The following SH3D19 variants were observed in gnomAD, a reference collection of about 807,000 sequenced individuals.
SH3D19 encodes SH3 domain containing 19.
SH3D19 carries 58 observed loss-of-function variants against 112.1 expected under a neutral mutation model. The observed-to-expected ratio is 0.52, with a 90% CI of 0.42 to 0.64. The LOEUF is 0.64. Ranked by LOEUF, SH3D19 falls within the 30% of genes least tolerant of loss-of-function variation. The pLI, the probability that SH3D19 is intolerant of heterozygous loss-of-function variation, is 0.00. For synonymous variants in SH3D19, 391 were observed against 448.5 expected, an observed-to-expected ratio of 0.87 and a Z score of 1.62; for missense variants, 1,090 against 1,263.4, an observed-to-expected ratio of 0.86 and a Z score of 2.08.
At chr4:151,185,568 T>A (rs1761653439) in intron 3 of SH3D19, among the ~76,000 whole-genome samples, 1 of 152,222 alleles carries the variant, frequency 6.6e-6, no homozygotes, top group Non-Finnish European at 1.5e-5. Flanking sequence ...TGAAAGGCTA[T>A]CAAGAAGTTT....
intron 1 of SH3D19, among the ~76,000 whole-genome samples, chr4:151,258,615 C>T (rs1482789684): frequency 6.6e-6 from 1 of 152,222 alleles, no homozygotes; most frequent in African/African-American, 2.4e-5. Context: ...CACCCTCAGG[C>T]TGAATCCCAG....
intron 2 of SH3D19, among the ~76,000 whole-genome samples, chr4:151,214,060 A>G (rs13114884): frequency 0.86 from 123,020 of 142,666 alleles, 53,898 homozygotes; most frequent in Non-Finnish European, 0.95. Context: ...TTAGGGAGTG[A>G]TGATGACTCT....
intron 1 of SH3D19, among the ~76,000 whole-genome samples, chr4:151,280,571 T>C (rs1259623232): frequency 6.6e-6 from 1 of 152,220 alleles, no homozygotes; most frequent in Non-Finnish European, 1.5e-5. Context: ...ATGCAACAAT[T>C]GATAACTAAT....
At chr4:151,281,463 G>A (rs1774223078) in intron 1 of SH3D19, among the ~76,000 whole-genome samples, 1 of 152,132 alleles carries the variant, frequency 6.6e-6, no homozygotes, top group Non-Finnish European at 1.5e-5. Flanking sequence ...GGAAGTGGGA[G>A]GTGGGGGGTA....
chr4:151,254,668 CAGA>C (rs1161937985), intron 1 of SH3D19, among the ~76,000 whole-genome samples: 9 of 150,674 alleles, frequency 6.0e-5, no homozygotes, highest in Admixed American at 1.3e-4. Flanking sequence ...GATCCCAAGG[CAGA>C]AGAAGTTTTC....
intron 7 of SH3D19, among the ~76,000 whole-genome samples, chr4:151,172,912 T>C (rs1440548738): frequency 6.6e-6 from 1 of 152,170 alleles, no homozygotes; most frequent in East Asian, 1.9e-4. Context: ...TATAACCCCA[T>C]AGTCCAGAGC....
chr4:151,224,047 C>T (rs573872241), intron 2 of SH3D19, among the ~76,000 whole-genome samples: 24 of 152,240 alleles, frequency 1.6e-4, no homozygotes, highest in East Asian at 9.7e-4. Context: ...CGGTGGCTCA[C>T]GCCTGTAATC....
chr4:151,293,023 G>A (rs1017617811), intron 1 of SH3D19, among the ~76,000 whole-genome samples: 3 of 152,086 alleles, frequency 2.0e-5, no homozygotes, highest in African/African-American at 7.2e-5. Context: ...AGGAGGCTGA[G>A]GCAGGAGAAT....
chr4:151,207,128 T>C (rs1473287172), intron 2 of SH3D19, among the ~76,000 whole-genome samples: 2 of 152,212 alleles, frequency 1.3e-5, no homozygotes, highest in African/African-American at 2.4e-5. Context: ...TAGGTGCCTT[T>C]CTTTCAGCTG....
At chr4:151,293,503 A>C (rs2150021416) in intron 1 of SH3D19, among the ~76,000 whole-genome samples, 1 of 151,984 alleles carries the variant, frequency 6.6e-6, no homozygotes, top group South Asian at 2.1e-4. Context: ...GTAGATTTGG[A>C]AACTTAAAAT....
At chr4:151,167,809 C>T (rs1271344815) in intron 7 of SH3D19, among the ~76,000 whole-genome samples, 1 of 151,426 alleles carries the variant, frequency 6.6e-6, no homozygotes, top group Non-Finnish European at 1.5e-5. Context: ...CTGGCTGCCG[C>T]CCCATCTGGG....
At chr4:151,236,569 T>C (rs1770068277) in intron 1 of SH3D19, among the ~76,000 whole-genome samples, 1 of 152,072 alleles carries the variant, frequency 6.6e-6, no homozygotes, top group African/African-American at 2.4e-5. Flanking sequence ...ACTCTGCGTC[T>C]AGCTAAAGGG....
chr4:151,310,879 T>C (rs2126369204), intron 1 of SH3D19, among the ~76,000 whole-genome samples: 2 of 151,550 alleles, frequency 1.3e-5, no homozygotes, highest in Admixed American at 1.3e-4. Context: ...GGCCAATAAA[T>C]CCCTATCTCA....
chr4:151,199,860 G>A (rs888957683), intron 2 of SH3D19, among the ~76,000 whole-genome samples: 2 of 152,076 alleles, frequency 1.3e-5, no homozygotes, highest in African/African-American at 2.4e-5. Flanking sequence ...ATTTTGCTAT[G>A]GTCTGAATGT....
intron 1 of SH3D19, among the ~76,000 whole-genome samples, chr4:151,264,903 T>C (rs1772655092): frequency 6.6e-6 from 1 of 152,124 alleles, no homozygotes; most frequent in African/African-American, 2.4e-5. Context: ...GACACAATGC[T>C]CTACATTACT....
At chr4:151,304,674 G>C (rs777249535) in intron 1 of SH3D19, among the ~76,000 whole-genome samples, 4 of 152,188 alleles carry the variant, frequency 2.6e-5, no homozygotes, top group Non-Finnish European at 4.4e-5. Flanking sequence ...TAACCAAAAA[G>C]GTTGGGAAGA....
intron 1 of SH3D19, among the ~76,000 whole-genome samples, chr4:151,274,010 A>T (rs1773410960): frequency 6.6e-6 from 1 of 152,226 alleles, no homozygotes; most frequent in African/African-American, 2.4e-5. Flanking sequence ...ATAATGATAA[A>T]ATCAGTGAGT....
At chr4:151,240,161 T>C (rs577533025) in intron 1 of SH3D19, among the ~76,000 whole-genome samples, 1 of 152,248 alleles carries the variant, frequency 6.6e-6, no homozygotes, top group South Asian at 2.1e-4. Flanking sequence ...TCCCAGCTAC[T>C]TGGGAGGCTG....
At chr4:151,195,114 T>C (rs187488612) in intron 2 of SH3D19, among the ~76,000 whole-genome samples, 390 of 147,028 alleles carry the variant, frequency 2.7e-3, no homozygotes, top group Non-Finnish European at 4.0e-3. Context: ...CTCATGCCTA[T>C]ATTCCCAGTG....
Sources: allele counts gnomAD v4.1 joint callset (sites outside exome capture counted in the v4.1 genomes callset), GRCh38; gene constraint gnomAD v4.1.1; transcripts MANE v1.5; gene names NCBI Gene and HGNC (gene_info 2026-07-23, HGNC 2026-07-21).